SUCLG2: variants seen among roughly 807,000 people sequenced by gnomAD.
SUCLG2 encodes succinate-CoA ligase GDP-forming subunit beta, also known as succinate--CoA ligase [GDP-forming] subunit beta, mitochondrial.
SUCLG2 carries 42 observed loss-of-function variants against 47.9 expected under a neutral mutation model. That is an observed-to-expected ratio of 0.88 (90% CI 0.69 to 1.14). The LOEUF is 1.14. Among genes scored for constraint, SUCLG2 ranks in the 50% most tolerant of loss-of-function variants. SUCLG2 has a pLI of 0.00. For missense variants in SUCLG2, 571 were observed against 525.9 expected (o/e 1.09, Z -0.84); for synonymous variants, 195 against 197.3 (o/e 0.99, Z 0.10).
rs1012248618 is a variant in SUCLG2, at chr3:67,377,810, C to T, written c.1184-1951G>A. Among the ~76,000 whole-genome samples the T allele has an allele frequency of 5.9e-5, 9 of 152,264 alleles. No individual in the cohort carries two copies. In the East Asian group the frequency reaches 9.7e-4, roughly 16 times the overall value. The stretch of plus-strand genomic sequence containing the variant: ...CTGAGACTAAAGGCACACATCACCA[C>T]GCCCAGCTATTTTTTGTATTTTTTG... On this transcript the variant is annotated intron_variant, in intron 10 of 10. Coordinates refer to ENST00000307227, the MANE Select transcript of SUCLG2 (RefSeq NM_003848.4).
chr3:67,533,683 A>G (rs1444716565), intron 2 of SUCLG2, among the ~76,000 whole-genome samples: 1 of 152,198 alleles, frequency 6.6e-6, no homozygotes, highest in African/African-American at 2.4e-5. Context: ...AAAGGAAATG[A>G]GCTCACTTCT....
intron 1 of SUCLG2, among the ~76,000 whole-genome samples, chr3:67,635,433 G>A (rs2107359061): frequency 6.6e-6 from 1 of 152,318 alleles, no homozygotes; most frequent in South Asian, 2.1e-4. Flanking sequence ...AGATCCCAGT[G>A]AAGAGTGATT....
intron 1 of SUCLG2, among the ~76,000 whole-genome samples, chr3:67,633,918 C>T (rs963831889): frequency 6.6e-6 from 1 of 151,414 alleles, no homozygotes; most frequent in Admixed American, 6.6e-5. Context: ...ATATTTTGTC[C>T]ACAAGTTATC....
intron 10 of SUCLG2, among the ~76,000 whole-genome samples, chr3:67,393,782 A>C (rs969207002): frequency 6.6e-6 from 1 of 152,202 alleles, no homozygotes; most frequent in Admixed American, 6.5e-5. Context: ...CAGCAGGGGC[A>C]GACTGACACC....
At chr3:67,500,654 C>T (rs1705472936) in intron 7 of SUCLG2, among the ~76,000 whole-genome samples, 1 of 152,136 alleles carries the variant, frequency 6.6e-6, no homozygotes, top group African/African-American at 2.4e-5. Flanking sequence ...AAAGCAACTT[C>T]GTACATGGCT....
intron 9 of SUCLG2, among the ~76,000 whole-genome samples, chr3:67,448,239 G>A (rs1703973994): frequency 6.6e-6 from 1 of 152,124 alleles, no homozygotes; most frequent in African/African-American, 2.4e-5. Context: ...TTTATGGAAT[G>A]CAGTCATAAA....
At chr3:67,590,680 T>C (rs1199219449) in intron 2 of SUCLG2, among the ~76,000 whole-genome samples, 1 of 152,224 alleles carries the variant, frequency 6.6e-6, no homozygotes, top group Non-Finnish European at 1.5e-5. Context: ...ATGCCTCTTG[T>C]ACAGCCTGCA....
chr3:67,545,405 A>G (rs915123173), intron 2 of SUCLG2, among the ~76,000 whole-genome samples: 1 of 152,172 alleles, frequency 6.6e-6, no homozygotes, highest in Non-Finnish European at 1.5e-5. Flanking sequence ...TGATACACAC[A>G]TCTACTGAGG....
chr3:67,372,965 C>T (rs923853579), downstream of SUCLG2, among the ~76,000 whole-genome samples: 9 of 152,240 alleles, frequency 5.9e-5, 1 homozygote, highest in Admixed American at 2.6e-4. Flanking sequence ...AACATGCACA[C>T]AAATGGGTGT....
chr3:67,592,743 A>AAAAAAAAAAAAAAAAAAAC (rs1559587055), intron 2 of SUCLG2, among the ~76,000 whole-genome samples: 8 of 148,482 alleles, frequency 5.4e-5, no homozygotes, highest in African/African-American at 2.1e-4. Context: ...AAAACAACAA[A>AAAAAAAAAAAAAAAAAAAC]AAAAAACTGA....
chr3:67,635,995 T>C (rs1412642597), intron 1 of SUCLG2, among the ~76,000 whole-genome samples: 4 of 152,162 alleles, frequency 2.6e-5, no homozygotes, highest in East Asian at 1.9e-4. Flanking sequence ...ACACAGGAAA[T>C]AGGATCTGTC....
chr3:67,544,729 TG>T (rs1466324458), intron 2 of SUCLG2, among the ~76,000 whole-genome samples: 1 of 152,208 alleles, frequency 6.6e-6, no homozygotes, highest in African/African-American at 2.4e-5. Flanking sequence ...AAGGCTACTT[TG>T]CTTTTCTATT....
chr3:67,479,149 TAAAAG>T lies in SUCLG2; in HGVS notation c.1062+16644_1062+16648del, dbSNP rs145976614. ...TCATCTTGATAGTGAACGTATGAAATAAAAGAAAAGCATTCAAATCTCAATTCCCA... is the reference window on the plus strand; with the variant it reads ...TCATCTTGATAGTGAACGTATGAAATAAAAGCATTCAAATCTCAATTCCCA... On this transcript the variant is annotated intron_variant, in intron 9 of 10. Transcript: ENST00000307227. 7.0e-3 allele frequency among the ~76,000 whole-genome samples: 1,070 copies of T among 152,136 alleles called. 6 individuals carry two copies. The highest frequency in any genetic ancestry group is 0.024 in the African/African-American group (1,014 of 41,514).
intron 2 of SUCLG2, among the ~76,000 whole-genome samples, chr3:67,580,694 T>C (rs536978467): frequency 3.9e-5 from 6 of 152,206 alleles, no homozygotes; most frequent in Non-Finnish European, 7.3e-5. Context: ...GTCATAAAAT[T>C]TGAAGCTGTT....
chr3:67,374,315 T>C (rs540779973), downstream of SUCLG2, among the ~76,000 whole-genome samples: 1 of 152,320 alleles, frequency 6.6e-6, no homozygotes, highest in Non-Finnish European at 1.5e-5. Context: ...ATAAAATTTA[T>C]GAGAACAAAG....
At chr3:67,388,912 G>A (rs529789087) in intron 10 of SUCLG2, among the ~76,000 whole-genome samples, 1 of 152,152 alleles carries the variant, frequency 6.6e-6, no homozygotes, top group African/African-American at 2.4e-5. Flanking sequence ...GGAGTGGGTA[G>A]AGGATCAGAA....
At chr3:67,641,596 A>T (rs1490477950) in intron 1 of SUCLG2, among the ~76,000 whole-genome samples, 1 of 152,202 alleles carries the variant, frequency 6.6e-6, no homozygotes, top group African/African-American at 2.4e-5. Flanking sequence ...CTATTTTCAT[A>T]ATAATACTAG....
intron 9 of SUCLG2, among the ~76,000 whole-genome samples, chr3:67,454,188 T>G (rs1704125264): frequency 6.6e-6 from 1 of 152,170 alleles, no homozygotes; most frequent in Non-Finnish European, 1.5e-5. Flanking sequence ...TTCTAAATCA[T>G]GAGCTCTTTA....
At chr3:67,407,314 T>C (rs1702836290) in intron 9 of SUCLG2, among the ~76,000 whole-genome samples, 1 of 152,216 alleles carries the variant, frequency 6.6e-6, no homozygotes, top group African/African-American at 2.4e-5. Context: ...TGATATATCT[T>C]TGATAACACT....
Sources: gnomAD v4.1 joint callset for allele counts (sites outside exome capture counted in the v4.1 genomes callset) on GRCh38, gnomAD v4.1.1 for gene constraint, MANE v1.5 for transcripts, NCBI Gene and HGNC (gene_info 2026-07-23, HGNC 2026-07-21) for gene names.